EXT1: variants seen among roughly 807,000 people sequenced by gnomAD.
EXT1 encodes the protein exostosin-1.
A neutral mutation model predicts 82.5 loss-of-function variants in EXT1; 20 were observed. That is an observed-to-expected ratio of 0.24 (90% confidence interval 0.17 to 0.35). The LOEUF (loss-of-function observed/expected upper bound fraction) is 0.35. Among genes scored for constraint, EXT1 ranks in the 10% least tolerant of loss-of-function variants. The pLI is 1.00. For missense variants in EXT1, 757 were observed against 936.5 expected, an observed-to-expected ratio of 0.81 and a Z score of 2.50; for synonymous variants, 348 against 350.8, an observed-to-expected ratio of 0.99 and a Z score of 0.09.
At chr8:118,100,187 C>T (rs746579929) in intron 1 of EXT1, among the ~76,000 whole-genome samples, 22 of 152,072 alleles carry the variant, frequency 1.4e-4, no homozygotes, top group Non-Finnish European at 2.4e-4. Flanking sequence ...GAGATGCTAG[C>T]CAAGCAAGAC....
chr8:117,984,461 A>AC (rs1815274045), intron 1 of EXT1, among the ~76,000 whole-genome samples: 2 of 151,046 alleles, frequency 1.3e-5, no homozygotes, highest in African/African-American at 4.9e-5. Context: ...AAAAAAAAAA[A>AC]CAAAGAAAAG....
At chr8:117,914,716 G>A (rs548922592) in intron 1 of EXT1, among the ~76,000 whole-genome samples, 1 of 152,252 alleles carries the variant, frequency 6.6e-6, no homozygotes, top group Non-Finnish European at 1.5e-5. Flanking sequence ...TTACTAGGGT[G>A]GGGAAAAACT....
chr8:117,873,734 G>A (rs899195935), intron 1 of EXT1, among the ~76,000 whole-genome samples: 6 of 152,070 alleles, frequency 3.9e-5, no homozygotes, highest in Admixed American at 1.3e-4. Context: ...GGGATTACAG[G>A]CATGAGCCAC....
intron 1 of EXT1, among the ~76,000 whole-genome samples, chr8:118,088,641 T>A (rs1268743901): frequency 6.6e-6 from 1 of 151,812 alleles, no homozygotes; most frequent in African/African-American, 2.4e-5. Flanking sequence ...AAATTCAACA[T>A]GCAGCATTTT....
At position 117,841,913 on chromosome 8, in the gene EXT1, G is replaced by A. The variant is rs371378653; in HGVS notation, c.963-4712C>T. ...ATTCTGTGCAACTGGGAAAGATGGG[G>A]GAGTGTAGCATAGAGCAGGGGTTCT... On this transcript the variant is annotated intron_variant, in intron 1 of 10. Transcript: ENST00000378204. 3.3e-4 allele frequency among the ~76,000 whole-genome samples: 51 copies of A among 152,294 alleles called. 1 individual carries two copies. In the South Asian group the frequency reaches 3.7e-3, roughly 11 times the overall value.
intron 1 of EXT1, among the ~76,000 whole-genome samples, chr8:117,946,813 T>G (rs1319672129): frequency 2.0e-5 from 3 of 152,200 alleles, no homozygotes; most frequent in Non-Finnish European, 4.4e-5. Context: ...TTTTCCACCT[T>G]CCTCTGGGGA....
At chr8:117,896,091 A>G (rs1013551807) in intron 1 of EXT1, among the ~76,000 whole-genome samples, 7 of 152,194 alleles carry the variant, frequency 4.6e-5, no homozygotes, top group African/African-American at 7.2e-5. Flanking sequence ...CATTTGTGGG[A>G]TTTCATTTCT....
intron 1 of EXT1, among the ~76,000 whole-genome samples, chr8:117,938,052 T>G (rs1814201260): frequency 6.6e-6 from 1 of 152,198 alleles, no homozygotes; most frequent in Non-Finnish European, 1.5e-5. Context: ...CCCCACACTA[T>G]TCCAAACCCA....
Position 118,073,628 on chromosome 8 carries a change from GAGAA to G in EXT1, c.962+36453_962+36456del, listed in dbSNP as rs1210325189. Among the ~76,000 whole-genome samples the G allele has an allele frequency of 7.1e-4, 89 of 125,888 alleles. 1 individual carries two copies. Among genetic ancestry groups the G allele is most frequent in the South Asian group, 4.1e-3 (17 of 4,100 alleles). The allele number at this position is 125,888 out of a possible 152,430, so 82.6% of individuals were successfully genotyped here. ...GAGAGAGGAAAGGAAGAGAAGAGAA[GAGAA>G]AGAAGAGAAGAGAAGAGAAGAGAAG... On this transcript the variant is annotated intron_variant, in intron 1 of 10. Transcript: ENST00000378204.
chr8:117,889,242 C>G (rs1317874161), intron 1 of EXT1, among the ~76,000 whole-genome samples: 9 of 152,180 alleles, frequency 5.9e-5, no homozygotes, highest in Admixed American at 2.0e-4. Flanking sequence ...TACCTAAATT[C>G]AGGTGAGTGA....
intron 1 of EXT1, among the ~76,000 whole-genome samples, chr8:118,005,020 C>T (rs1205562246): frequency 6.6e-6 from 1 of 152,062 alleles, no homozygotes; most frequent in East Asian, 1.9e-4. Flanking sequence ...TGTTATCATC[C>T]CACTTTTACA....
At chr8:117,809,215 A>AT (rs1209004661) in intron 8 of EXT1, among the ~76,000 whole-genome samples, 1 of 85,420 alleles carries the variant, frequency 1.2e-5, no homozygotes, top group Non-Finnish European at 2.5e-5. Context: ...GTGTGTGTGT[A>AT]TAAATATATA....
chr8:117,837,085 G>C, intron 2 of EXT1, 23 bp downstream of exon 2: 30 of 1,587,940 alleles, frequency 1.9e-5, no homozygotes, highest in Non-Finnish European at 2.5e-5. Context: ...GCCCTATTCT[G>C]GGAAGGCTCC....
At chr8:117,839,478 T>G (rs1356450548) in intron 1 of EXT1, among the ~76,000 whole-genome samples, 1 of 152,198 alleles carries the variant, frequency 6.6e-6, no homozygotes, top group East Asian at 1.9e-4. Context: ...ACGTATCTGT[T>G]CATATGTATG....
intron 1 of EXT1, among the ~76,000 whole-genome samples, chr8:117,984,462 CAAAGAAAAGA>C (rs899108992): frequency 1.0e-4 from 14 of 138,210 alleles, no homozygotes; most frequent in Admixed American, 8.0e-4. Context: ...AAAAAAAAAA[CAAAGAAAAGA>C]AAAGAAAAGA....
intron 1 of EXT1, 23 bp from the exon 2 acceptor site, chr8:117,837,224 C>T: frequency 6.3e-7 from 1 of 1,587,826 alleles, no homozygotes; most frequent in South Asian, 1.1e-5. Context: ...GAGGAGTAAA[C>T]AGCAAATGAA....
chr8:118,016,253 C>G (rs1221162025), intron 1 of EXT1, among the ~76,000 whole-genome samples: 1 of 152,160 alleles, frequency 6.6e-6, no homozygotes, highest in Non-Finnish European at 1.5e-5. Flanking sequence ...ATTAGCCAGG[C>G]ATGGTGGTGC....
intron 1 of EXT1, among the ~76,000 whole-genome samples, chr8:118,099,104 C>A (rs1336265886): frequency 6.6e-6 from 1 of 152,170 alleles, no homozygotes; most frequent in African/African-American, 2.4e-5. Flanking sequence ...GTTTCAGAGC[C>A]AATACTGTAC....
intron 1 of EXT1, among the ~76,000 whole-genome samples, chr8:118,054,361 T>C (rs1816761781): frequency 6.6e-6 from 1 of 152,138 alleles, no homozygotes; most frequent in Non-Finnish European, 1.5e-5. Flanking sequence ...GTCAAACCAT[T>C]CCACTTCATG....
Sources: gnomAD v4.1 joint callset for allele counts (sites outside exome capture counted in the v4.1 genomes callset) on GRCh38, gnomAD v4.1.1 for gene constraint, MANE v1.5 for transcripts, NCBI Gene and HGNC (gene_info 2026-07-23, HGNC 2026-07-21) for gene names.